TIAM1: variants seen among roughly 807,000 people sequenced by gnomAD.
TIAM1 encodes rho guanine nucleotide exchange factor TIAM1.
TIAM1 carries 65 observed loss-of-function variants against 163.5 expected under a neutral mutation model. The observed-to-expected ratio is 0.40, with a 90% CI of 0.33 to 0.49. The LOEUF (loss-of-function observed/expected upper bound fraction) is 0.49, where lower values mean the gene tolerates loss of function less well. TIAM1 is among the 20% of genes least tolerant of loss of function. TIAM1 has a pLI of 0.77. For missense variants in TIAM1, 1,789 were observed against 2,044.7 expected (o/e 0.87, Z 2.41); for synonymous variants, 833 against 810.1 (o/e 1.03, Z -0.48).
rs573667060 is a variant in TIAM1, at chr21:31,439,738, C to G, written c.-369+24245G>C. 1.5e-3 allele frequency among the ~76,000 whole-genome samples: 233 copies of G among 152,342 alleles called. 2 individuals carry two copies. The highest frequency in any genetic ancestry group is 6.0e-3 in the South Asian group (29 of 4,830). On this transcript the variant is annotated intron_variant, in intron 2 of 28. Transcript: ENST00000286827. Reference sequence around the variant, plus strand: ...CATCAAAGGCTGGTAAGAAATAGAACTTACTTTACCCGCATCCTCAAAAAG... The same window carrying G: ...CATCAAAGGCTGGTAAGAAATAGAAGTTACTTTACCCGCATCCTCAAAAAG...
intron 2 of TIAM1, among the ~76,000 whole-genome samples, chr21:31,358,194 G>C (rs931626737): frequency 3.3e-5 from 5 of 152,188 alleles, no homozygotes; most frequent in Non-Finnish European, 2.9e-5. Context: ...CAGGGATAAA[G>C]GACTGGTCAT....
At chr21:31,470,675 T>C (rs1450739330) in intron 1 of TIAM1, among the ~76,000 whole-genome samples, 1 of 152,226 alleles carries the variant, frequency 6.6e-6, no homozygotes, top group Non-Finnish European at 1.5e-5. Flanking sequence ...TATGTGTGCA[T>C]TTTTCTGAAA....
At chr21:31,314,711 TA>T (rs1208150774) in intron 2 of TIAM1, among the ~76,000 whole-genome samples, 1 of 152,192 alleles carries the variant, frequency 6.6e-6, no homozygotes, top group Non-Finnish European at 1.5e-5. Flanking sequence ...AGACGGAAAT[TA>T]CAATTTTGCA....
At chr21:31,521,745 A>AACACACACACACACAC (rs35006738) in intron 1 of TIAM1, among the ~76,000 whole-genome samples, 5,974 of 146,878 alleles carry the variant, frequency 0.041, 166 homozygotes, top group East Asian at 0.077. Context: ...CTCACACACA[A>AACACACACACACACAC]ACACACACAC....
intron 2 of TIAM1, among the ~76,000 whole-genome samples, chr21:31,460,601 G>A (rs2045288055): frequency 6.6e-6 from 1 of 152,212 alleles, no homozygotes; most frequent in African/African-American, 2.4e-5. Flanking sequence ...ATTCCTGCCT[G>A]GGCAACAGAG....
intron 1 of TIAM1, among the ~76,000 whole-genome samples, chr21:31,512,694 C>T (rs896124030): frequency 2.7e-5 from 4 of 150,384 alleles, no homozygotes; most frequent in South Asian, 2.1e-4. Context: ...CTTGGCTCAC[C>T]GCAACCTCCA....
At chr21:31,287,852 T>G (rs1017443258) in intron 2 of TIAM1, among the ~76,000 whole-genome samples, 4 of 152,152 alleles carry the variant, frequency 2.6e-5, no homozygotes, top group Non-Finnish European at 5.9e-5. Flanking sequence ...CAAACATAGT[T>G]TTCCCACCTG....
At chr21:31,404,202 CT>C (rs2077210953) in intron 2 of TIAM1, among the ~76,000 whole-genome samples, 1 of 152,148 alleles carries the variant, frequency 6.6e-6, no homozygotes, top group Non-Finnish European at 1.5e-5. Flanking sequence ...ATCCTTTTAT[CT>C]TTAGAAAATA....
chr21:31,277,848 T>C (rs2073369069), intron 2 of TIAM1, among the ~76,000 whole-genome samples: 1 of 152,148 alleles, frequency 6.6e-6, no homozygotes, highest in Non-Finnish European at 1.5e-5. Context: ...CCTGTAACAA[T>C]ATGACATCCC....
chr21:31,247,032 A>C lies in TIAM1; in HGVS notation c.1412-1372T>G, dbSNP rs183780394. On this transcript the variant is annotated intron_variant, in intron 5 of 27. Transcript: ENST00000541036. ...CTATGCTAATGCTTTTTTGAAAGATAAAGTTTGCCAGGCACAGTGGCTTAT... is the reference window on the plus strand; with the variant it reads ...CTATGCTAATGCTTTTTTGAAAGATCAAGTTTGCCAGGCACAGTGGCTTAT... 4.7e-3 allele frequency among the ~76,000 whole-genome samples: 720 copies of C among 152,280 alleles called. 3 individuals are homozygous for C. The highest frequency in any genetic ancestry group is 0.016 in the African/African-American group (682 of 41,554).
intron 1 of TIAM1, among the ~76,000 whole-genome samples, chr21:31,486,726 G>C (rs1260841231): frequency 6.6e-6 from 1 of 152,226 alleles, no homozygotes; most frequent in Non-Finnish European, 1.5e-5. Context: ...CCAAGGACCA[G>C]TAAAGCCTGG....
chr21:31,136,125 G>T, intron 22 of TIAM1, 84 bp from the exon 23 acceptor site: 1 of 1,221,700 alleles, frequency 8.2e-7, no homozygotes, highest in South Asian at 1.3e-5. Flanking sequence ...TCAGCATGCT[G>T]ATATTAATTT....
chr21:31,310,609 C>G (rs1224835682), intron 2 of TIAM1, among the ~76,000 whole-genome samples: 1 of 152,132 alleles, frequency 6.6e-6, no homozygotes, highest in East Asian at 1.9e-4. Flanking sequence ...GACTTACAAC[C>G]GGGACACACC....
intron 14 of TIAM1, 52 bp from the exon 15 acceptor site, chr21:31,182,697 A>G (rs1036377396): frequency 1.0e-5 from 16 of 1,555,062 alleles, no homozygotes; most frequent in African/African-American, 1.4e-5. Flanking sequence ...ATCAGAACAC[A>G]ACAGCTTAGG....
At position 31,152,755 on chromosome 21, in the gene TIAM1, C is replaced by G. The variant is rs117921375; in HGVS notation, c.3247G>C (p.Val1083Leu). 6.2e-6 allele frequency: 10 copies of G among 1,613,846 alleles called. No homozygotes were observed. The Admixed American group carries it at 1.0e-4, about 16-fold the overall frequency. The change falls in exon 19 of 28, where the codon GTG (valine) becomes CTG (leucine). Residue 1083 changes from valine (V) to leucine (L), a missense_variant. Transcript: ENST00000541036. ...ATTTCCGTTAAATTTCCAAAAAGCA[C>G]GTCAAGCTAGAAATAAAACAGAATT... Reference protein sequence around the residue: ...ETFLTQDELDVLFGNLTEMVE... With the variant: ...ETFLTQDELDLLFGNLTEMVE...
intron 1 of TIAM1, among the ~76,000 whole-genome samples, chr21:31,540,799 A>T (rs2833442): frequency 0.21 from 32,193 of 152,214 alleles, 3,597 homozygotes; most frequent in African/African-American, 0.25. Flanking sequence ...TAAACACTTA[A>T]AACAATGTTT....
At chr21:31,506,563 G>A (rs1401740095) in intron 1 of TIAM1, among the ~76,000 whole-genome samples, 1 of 152,104 alleles carries the variant, frequency 6.6e-6, no homozygotes, top group Non-Finnish European at 1.5e-5. Flanking sequence ...TCTGTGTCTG[G>A]CTAATTTTAC....
intron 2 of TIAM1, among the ~76,000 whole-genome samples, chr21:31,279,967 C>A (rs1286989173): frequency 6.6e-6 from 1 of 152,076 alleles, no homozygotes; most frequent in East Asian, 1.9e-4. Context: ...AAGATGCATG[C>A]GGTCTACTCA....
chr21:31,159,535 T>C (rs1242486221), intron 16 of TIAM1, among the ~76,000 whole-genome samples: 1 of 152,212 alleles, frequency 6.6e-6, no homozygotes, highest in African/African-American at 2.4e-5. Flanking sequence ...TAAAATCTTA[T>C]AGCCTTTACT....
Sources: gnomAD v4.1 joint callset for allele counts (sites outside exome capture counted in the v4.1 genomes callset) on GRCh38, gnomAD v4.1.1 for gene constraint, MANE v1.5 for transcripts, NCBI Gene and HGNC (gene_info 2026-07-23, HGNC 2026-07-21) for gene names.